The following RUFY3 variants were observed in gnomAD, a reference collection of about 807,000 sequenced individuals.
The protein encoded by RUFY3 is RUN and FYVE domain containing 3.
In RUFY3, 34 loss-of-function variants were observed where a neutral mutation model predicts 84.0. The ratio of observed to expected loss-of-function variants is 0.40; its 90% CI spans 0.31 to 0.54. The LOEUF is 0.54. Among genes scored for constraint, RUFY3 ranks in the 20% least tolerant of loss-of-function variants. RUFY3 has a pLI of 0.39. For missense variants in RUFY3, 507 were observed against 736.8 expected (o/e 0.69, Z 3.61); for synonymous variants, 242 against 252.9 (o/e 0.96, Z 0.41).
chr4:70,804,849 C>G (rs996786828), intron 17 of RUFY3, among the ~76,000 whole-genome samples: 1 of 151,900 alleles, frequency 6.6e-6, no homozygotes. Flanking sequence ...CGCTTGAACC[C>G]GGGAGGCGGA....
intron 5 of RUFY3, among the ~76,000 whole-genome samples, chr4:70,770,770 G>A (rs573183413): frequency 1.3e-5 from 2 of 152,210 alleles, no homozygotes; most frequent in South Asian, 4.1e-4. Flanking sequence ...TGGCTGTTTG[G>A]CCCAAAAAGC....
intron 7 of RUFY3, among the ~76,000 whole-genome samples, chr4:70,775,489 ACT>A (rs1217355021): frequency 3.3e-5 from 5 of 151,638 alleles, no homozygotes; most frequent in East Asian, 3.8e-4. Flanking sequence ...TGTAATTATA[ACT>A]CTAGTGATTA....
At chr4:70,727,294 T>G (rs1352573981) in intron 1 of RUFY3, among the ~76,000 whole-genome samples, 2 of 151,720 alleles carry the variant, frequency 1.3e-5, no homozygotes, top group African/African-American at 4.8e-5. Context: ...GTATCTGAAT[T>G]TCTTGGAGTA....
chr4:70,713,836 G>A (rs1741271681), intron 1 of RUFY3, among the ~76,000 whole-genome samples: 1 of 152,114 alleles, frequency 6.6e-6, no homozygotes, highest in South Asian at 2.1e-4. Context: ...CTCAAAATCT[G>A]AGAGATACCA....
At chr4:70,765,111 C>G (rs1202843524) in intron 4 of RUFY3, among the ~76,000 whole-genome samples, 1 of 150,050 alleles carries the variant, frequency 6.7e-6, no homozygotes. Flanking sequence ...TCGCTTGGAC[C>G]TGGGAAGTAG....
chr4:70,803,998 G>A (rs1328702836), intron 16 of RUFY3, among the ~76,000 whole-genome samples: 1 of 152,036 alleles, frequency 6.6e-6, no homozygotes, highest in Non-Finnish European at 1.5e-5. Context: ...GCCTCCCAAA[G>A]TGCTGGCATT....
intron 17 of RUFY3, among the ~76,000 whole-genome samples, chr4:70,804,880 A>T (rs1023141148): frequency 1.3e-5 from 2 of 152,076 alleles, no homozygotes; most frequent in African/African-American, 4.8e-5. Context: ...AGCCAAGATC[A>T]CACCATTGCA....
intron 14 of RUFY3, chr4:70,799,833 A>G (rs1732008052): frequency 7.7e-6 from 2 of 258,190 alleles, no homozygotes; most frequent in South Asian, 1.3e-4. Context: ...AAAAAATTAT[A>G]CTTCCCCTAA....
intron 16 of RUFY3, among the ~76,000 whole-genome samples, chr4:70,803,516 C>T (rs1046279526): frequency 4.0e-5 from 6 of 151,290 alleles, no homozygotes; most frequent in African/African-American, 1.2e-4. Context: ...GTGCAGTGGA[C>T]GATCTCAGCT....
chr4:70,785,259 T>A (rs1729591099), intron 10 of RUFY3, among the ~76,000 whole-genome samples: 1 of 152,182 alleles, frequency 6.6e-6, no homozygotes, highest in African/African-American at 2.4e-5. Flanking sequence ...GATTACTCTA[T>A]TTTATTTTTA....
chr4:70,769,017 A>G (rs1726475152), intron 5 of RUFY3, among the ~76,000 whole-genome samples: 1 of 152,198 alleles, frequency 6.6e-6, no homozygotes, highest in Non-Finnish European at 1.5e-5. Context: ...ATCATAATAA[A>G]GCAAGTCACA....
At chr4:70,737,200 G>A (rs945037913) in intron 1 of RUFY3, among the ~76,000 whole-genome samples, 3 of 151,234 alleles carry the variant, frequency 2.0e-5, no homozygotes, top group Non-Finnish European at 4.4e-5. Context: ...AAGACAGTTG[G>A]TTCAGCAGCT....
chr4:70,745,415 C>T (rs1370507757), intron 1 of RUFY3, among the ~76,000 whole-genome samples: 3 of 152,134 alleles, frequency 2.0e-5, no homozygotes, highest in African/African-American at 7.2e-5. Flanking sequence ...TTTTGAAACT[C>T]ACTAGGGAAA....
chr4:70,710,641 G>A (rs1199767538), intron 1 of RUFY3, among the ~76,000 whole-genome samples: 1 of 152,014 alleles, frequency 6.6e-6, no homozygotes, highest in Non-Finnish European at 1.5e-5. Context: ...TTGTACTCCA[G>A]CCTGGGCAAC....
chr4:70,743,401 G>A (rs1030567697), intron 1 of RUFY3, among the ~76,000 whole-genome samples: 3 of 151,906 alleles, frequency 2.0e-5, no homozygotes, highest in Non-Finnish European at 4.4e-5. Flanking sequence ...TATTGGCTAG[G>A]CACCACCAGG....
intron 12 of RUFY3, among the ~76,000 whole-genome samples, chr4:70,790,933 A>G (rs1730706349): frequency 6.6e-6 from 1 of 152,180 alleles, no homozygotes; most frequent in African/African-American, 2.4e-5. Flanking sequence ...ACATAGCCAA[A>G]TACAAATGTA....
At chr4:70,778,025 A>T (rs1411159428) in intron 7 of RUFY3, among the ~76,000 whole-genome samples, 1 of 152,188 alleles carries the variant, frequency 6.6e-6, no homozygotes, top group Non-Finnish European at 1.5e-5. Flanking sequence ...TGAGGTCAAC[A>T]GTTTGAGACC....
intron 1 of RUFY3, among the ~76,000 whole-genome samples, chr4:70,747,860 T>C (rs151332158): frequency 1.3e-3 from 195 of 152,300 alleles, no homozygotes; most frequent in East Asian, 6.4e-3. Context: ...AAAAATAATA[T>C]GTTGAGAATC....
In RUFY3 at chr4:70,788,264, G is replaced by A. The variant is rs148061003; in HGVS notation, c.1072-542G>A. On this transcript the variant is annotated intron_variant, in intron 10 of 17. Coordinates refer to ENST00000381006, the MANE Select transcript of RUFY3 (RefSeq NM_001037442.4). ...TGAGCCCCTGCACTCCAGCCTGAGCGACAGAGCGAGACTCTGTCTCAAAAA... is the reference window on the plus strand; with the variant it reads ...TGAGCCCCTGCACTCCAGCCTGAGCAACAGAGCGAGACTCTGTCTCAAAAA... Among the ~76,000 whole-genome samples the A allele has an allele frequency of 3.7e-3, 546 of 149,060 alleles. 2 individuals are homozygous for A. The highest frequency in any genetic ancestry group is 0.013 in the African/African-American group (520 of 39,980).
Sources: allele counts gnomAD v4.1 joint callset (sites outside exome capture counted in the v4.1 genomes callset), GRCh38; gene constraint gnomAD v4.1.1; transcripts MANE v1.5; gene names NCBI Gene and HGNC (gene_info 2026-07-23, HGNC 2026-07-21).